The following DENND2C variants were observed in gnomAD, a reference collection of about 807,000 sequenced individuals.
The protein encoded by DENND2C is DENN domain containing 2C.
Under a neutral mutation model 112.4 loss-of-function variants are expected in DENND2C, and 72 were observed. That is an observed-to-expected ratio of 0.64 (90% CI 0.53 to 0.78). The LOEUF (loss-of-function observed/expected upper bound fraction) is 0.78. DENND2C is among the 30% of genes least tolerant of loss of function. DENND2C has a pLI of 0.00. For missense variants in DENND2C, 992 were observed against 1,113.8 expected (o/e 0.89, Z 1.56); for synonymous variants, 329 against 381.6 (o/e 0.86, Z 1.61).
chr1:114,592,888 C>T (rs12405486), intron 18 of DENND2C, among the ~76,000 whole-genome samples: 1,551 of 152,244 alleles, frequency 0.01, 53 homozygotes, highest in East Asian at 0.071. Context: ...TCTTAATCGT[C>T]GCCATACTTG....
intron 1 of DENND2C, among the ~76,000 whole-genome samples, chr1:114,663,168 T>C (rs1406356753): frequency 1.3e-5 from 2 of 152,200 alleles, no homozygotes; most frequent in African/African-American, 2.4e-5. Flanking sequence ...ATAAAACTTA[T>C]TCATTCAGGG....
intron 2 of DENND2C, 25 bp from the exon 3 acceptor site, chr1:114,645,584 G>C (rs1214602490): frequency 6.6e-6 from 1 of 152,116 alleles, no homozygotes; most frequent in Admixed American, 6.6e-5. Flanking sequence ...CACAGTAATA[G>C]AAAAAGATAA....
intron 3 of DENND2C, among the ~76,000 whole-genome samples, chr1:114,627,802 T>G (rs1656386533): frequency 6.6e-6 from 1 of 152,172 alleles, no homozygotes; most frequent in Admixed American, 6.5e-5. Flanking sequence ...TCCTAGGATT[T>G]TAGGGTGTCT....
At chr1:114,642,666 T>A (rs1008422214) in intron 3 of DENND2C, among the ~76,000 whole-genome samples, 4 of 152,196 alleles carry the variant, frequency 2.6e-5, no homozygotes, top group African/African-American at 9.6e-5. Context: ...CTACTGTTAA[T>A]CTCATTTTAC....
chr1:114,608,617 G>A (rs1182057812), intron 10 of DENND2C, 69 bp downstream of exon 10: 49 of 1,524,168 alleles, frequency 3.2e-5, no homozygotes, highest in Non-Finnish European at 3.8e-5. Context: ...AAAACCAAGA[G>A]GACAGGAAAT....
intron 1 of DENND2C, among the ~76,000 whole-genome samples, chr1:114,658,130 G>C (rs1253278346): frequency 6.6e-6 from 1 of 152,178 alleles, no homozygotes; most frequent in Non-Finnish European, 1.5e-5. Flanking sequence ...AGTAAAGTGA[G>C]AGACAGAAAA....
rs1233210075 is a variant in DENND2C at position 114,633,832 on chromosome 1, T to C, written c.-204-7644A>G. 2.6e-5 allele frequency among the ~76,000 whole-genome samples: 4 copies of C among 152,284 alleles called. No homozygotes were observed. The South Asian group carries it at 6.2e-4, about 24-fold the overall frequency. On this transcript the variant is annotated intron_variant, in intron 3 of 20. Coordinates refer to ENST00000393274, the MANE Select transcript of DENND2C (RefSeq NM_001256404.2). ...GTATATAAATGGGTTAAGCTCTAAG[T>C]ACAAGGCAAAGATTATCAAACTTAA...
chr1:114,587,769 T>C lies in DENND2C; in HGVS notation c.2615A>G (p.Gln872Arg). The C allele has an allele frequency of 6.2e-7, 1 of 1,614,150 alleles. No homozygotes were observed. Among genetic ancestry groups the C allele is most frequent in the South Asian group, 1.1e-5 (1 of 91,082 alleles). ...GTCCTGGATGAATCCTGCAAACATC[T>C]GAGTTTCCATGAAGAGATCCAGGAA... Reference protein sequence around the residue: ...RHFLDLFMETQMFAGFIQDRE... With the variant: ...RHFLDLFMETRMFAGFIQDRE... Residue 872 changes from glutamine to arginine, a missense_variant, in exon 19 of 21, where the codon CAG becomes CGG. Physicochemically the swap from Gln to Arg is conservative, Grantham distance 43. Around this residue, in one of 3 missense-constraint regions of DENND2C, gnomAD observed 516 missense variants for 623.6 expected, o/e 0.83. Transcript: ENST00000393274.
At chr1:114,632,103 T>A (rs1310117044) in intron 3 of DENND2C, among the ~76,000 whole-genome samples, 2 of 152,036 alleles carry the variant, frequency 1.3e-5, no homozygotes, top group Non-Finnish European at 2.9e-5. Context: ...TTAAAAAGCC[T>A]GAAGCACAAA....
Position 114,604,938 on chromosome 1 carries a change from T to C in DENND2C, c.1651A>G (p.Thr551Ala), listed in dbSNP as rs755364623. 4 of 1,613,178 alleles carry C rather than the reference T, an allele frequency of 2.5e-6. No individual in the cohort carries two copies. Among genetic ancestry groups the C allele is most frequent in the East Asian group, 4.5e-5 (2 of 44,836 alleles). The change falls in exon 11 of 21, where the codon ACC becomes GCC. Residue 551 changes from threonine (T) to alanine (A), a missense_variant. Transcript: ENST00000393274. ...CCCATTTACCTCTTGAGTTCTGAGGTTGGCATCCAGTCCTTTGAATCAGGA... is the reference window on the plus strand; with the variant it reads ...CCCATTTACCTCTTGAGTTCTGAGGCTGGCATCCAGTCCTTTGAATCAGGA... ...CFPDSKDWMP[T>A]SELKSETFSF...
chr1:114,600,945 C>G lies in DENND2C; in HGVS notation c.1831G>C (p.Glu611Gln). 6.2e-7 allele frequency: 1 copy of G among 1,613,284 alleles called. No homozygotes were observed. The highest frequency in any genetic ancestry group is 8.5e-7 in the Non-Finnish European group (1 of 1,179,524). ...NLFSKILDEV[E>Q]KRREMSPALV... ...GCTGGAGACATTTCTCTTCTCTTCT[C>G]TACTTCATCCAGAATCTATATACGC... is the stretch of plus-strand genomic sequence containing the variant. The change falls in exon 14 of 21, where the codon GAG (glutamate) becomes CAG (glutamine). Residue 611 changes from glutamate (E) to glutamine (Q), a missense_variant. By Grantham distance (29) the Glu-to-Gln change is conservative. Around this residue, in one of 3 missense-constraint regions of DENND2C, gnomAD observed 516 missense variants for 623.6 expected, o/e 0.83. Transcript: ENST00000393274.
chr1:114,663,834 A>C (rs1183777540), intron 1 of DENND2C, among the ~76,000 whole-genome samples: 1 of 152,212 alleles, frequency 6.6e-6, no homozygotes, highest in Non-Finnish European at 1.5e-5. Context: ...TTTTTGGCAG[A>C]ATTGGGTAGT....
rs1655079013 is a variant in DENND2C at position 114,587,762 on chromosome 1, A to G, written c.2622T>C (p.Phe874=). 1 of 1,614,146 alleles carries G rather than the reference A, an allele frequency of 6.2e-7. No homozygotes were observed. ...FLDLFMETQM[F]AGFIQDRELR... is the part of the protein sequence containing the mutation. ...GCTCTCGGTCCTGGATGAATCCTGCAAACATCTGAGTTTCCATGAAGAGAT... is the reference window on the plus strand; with the variant it reads ...GCTCTCGGTCCTGGATGAATCCTGCGAACATCTGAGTTTCCATGAAGAGAT... Residue 874 remains phenylalanine, a synonymous_variant, in exon 19 of 21, where the codon TTT becomes TTC. Coordinates refer to ENST00000393274, the MANE Select transcript of DENND2C (RefSeq NM_001256404.2).
intron 3 of DENND2C, among the ~76,000 whole-genome samples, chr1:114,632,334 CAAAG>C (rs914865752): frequency 2.0e-5 from 3 of 151,876 alleles, no homozygotes; most frequent in African/African-American, 7.3e-5. Context: ...AGGATAAACA[CAAAG>C]AAAGCCACAA....
At chr1:114,659,968 T>C (rs1301049245) in intron 1 of DENND2C, among the ~76,000 whole-genome samples, 1 of 152,118 alleles carries the variant, frequency 6.6e-6, no homozygotes, top group Non-Finnish European at 1.5e-5. Flanking sequence ...TTTTTTTATT[T>C]TTAGTAAAGA....
intron 3 of DENND2C, among the ~76,000 whole-genome samples, chr1:114,639,057 A>G (rs2101679381): frequency 6.6e-6 from 1 of 152,328 alleles, no homozygotes. Flanking sequence ...TGAGTAGCCA[A>G]TAAGCACAAT....
At chr1:114,633,646 T>C (rs1300569095) in intron 3 of DENND2C, among the ~76,000 whole-genome samples, 1 of 151,326 alleles carries the variant, frequency 6.6e-6, no homozygotes, top group African/African-American at 2.4e-5. Context: ...CAAAGAAAGA[T>C]GAAATGGAAT....
intron 10 of DENND2C, among the ~76,000 whole-genome samples, chr1:114,608,148 A>G (rs1655707554): frequency 6.6e-6 from 1 of 152,054 alleles, no homozygotes; most frequent in Non-Finnish European, 1.5e-5. Context: ...GTGGTGGCAC[A>G]CGCCTGTAGT....
In DENND2C at chr1:114,625,194, C is replaced by CTGA. The variant is rs1410042644; in HGVS notation, c.788_790dup (p.Ile263dup). 4.4e-6 allele frequency: 7 copies of CTGA among 1,607,422 alleles called. No individual in the cohort carries two copies. Among genetic ancestry groups the CTGA allele is most frequent in the African/African-American group, 1.3e-5 (1 of 74,398 alleles). On this transcript the variant is annotated inframe_insertion, in exon 4 of 21. Transcript: ENST00000393274. The stretch of plus-strand genomic sequence containing the variant: ...AAAAACATACCTTTTAGATCTTCCT[C>CTGA]TGATTTTTCCACCATATTTCTTTGG...
Sources: gnomAD v4.1 joint callset for allele counts (sites outside exome capture counted in the v4.1 genomes callset) on GRCh38, gnomAD v4.1.1 for gene constraint, gnomAD v4.1.1 regional missense constraint, MANE v1.5 for transcripts, NCBI Gene and HGNC (gene_info 2026-07-23, HGNC 2026-07-21) for gene names.